Variants in TMEM45A observed in about 807,000 individuals in gnomAD.
TMEM45A encodes DNA polymerase-transactivated protein 4.
In TMEM45A, 25 loss-of-function variants were observed where a neutral mutation model predicts 32.0. That is an observed-to-expected ratio of 0.78 (90% CI 0.57 to 1.09). The LOEUF (loss-of-function observed/expected upper bound fraction) is 1.09. Ranked by LOEUF, TMEM45A falls within the 50% of genes least tolerant of loss-of-function variation. TMEM45A has a pLI of 0.00. For synonymous variants in TMEM45A, 122 were observed against 114.8 expected (o/e 1.06, Z -0.40); for missense variants, 302 against 325.0 (o/e 0.93, Z 0.54).
chr3:100,545,921 A>G (rs1335956379), intron 1 of TMEM45A, among the ~76,000 whole-genome samples: 2 of 152,218 alleles, frequency 1.3e-5, no homozygotes, highest in Admixed American at 6.5e-5. Flanking sequence ...GACTTTGCAT[A>G]TGTGATTAAA....
At chr3:100,558,153 T>A (rs1559650778) in intron 3 of TMEM45A, among the ~76,000 whole-genome samples, 1 of 152,200 alleles carries the variant, frequency 6.6e-6, no homozygotes. Flanking sequence ...AATCCATTCA[T>A]TGAAAATGTC....
At position 100,555,273 on chromosome 3, in the gene TMEM45A, G is replaced by C. The variant is rs773302571; in HGVS notation, c.62G>C (p.Trp21Ser). 2 of 1,613,178 alleles carry C rather than the reference G, an allele frequency of 1.2e-6. No homozygotes were observed. Among genetic ancestry groups the C allele is most frequent in the South Asian group, 2.2e-5 (2 of 90,930 alleles). Reference protein sequence around the residue: ...GTFFFIIGLWWCTKSILKYIC... With the variant: ...GTFFFIIGLWSCTKSILKYIC... ...TTCTTTTTTATTATTGGTCTTTGGT[G>C]GTGTACAAAGAGTATTCTGAAGTAT... is the stretch of plus-strand genomic sequence containing the variant. Residue 21 changes from tryptophan to serine, a missense_variant, in exon 2 of 6, where the codon TGG becomes TCG. Transcript: ENST00000323523.
intron 1 of TMEM45A, among the ~76,000 whole-genome samples, chr3:100,512,570 A>G (rs1282688352): frequency 1.3e-5 from 2 of 152,150 alleles, no homozygotes; most frequent in South Asian, 4.2e-4. Flanking sequence ...AGGAACTAGA[A>G]AAGCAAGAGC....
At position 100,543,136 on chromosome 3, in the gene TMEM45A, C is replaced by G. The variant is rs1209781021; in HGVS notation, c.-3-12073C>G. Among the ~76,000 whole-genome samples the G allele has an allele frequency of 3.3e-5, 5 of 152,156 alleles. 1 individual carries two copies. The highest frequency in any genetic ancestry group is 7.4e-5 in the Non-Finnish European group (5 of 68,004). ...CATTTCTCACTGAACCTAATGGTTT[C>G]AAAATTCATTCCTGTTTGTAAATAT... On this transcript the variant is annotated intron_variant, in intron 1 of 5. Transcript: ENST00000323523.
chr3:100,553,841 C>T (rs1457799352), intron 1 of TMEM45A, among the ~76,000 whole-genome samples: 1 of 152,142 alleles, frequency 6.6e-6, no homozygotes, highest in Non-Finnish European at 1.5e-5. Flanking sequence ...TCAATGGTGT[C>T]CTGAAATGAC....
rs1312893193 is a variant in TMEM45A, at chr3:100,555,196, C to T, written c.-3-13C>T. On this transcript the variant is annotated splice_polypyrimidine_tract_variant and intron_variant, in intron 1 of 5. Transcript: ENST00000323523. ...AAATGTCTTTTACTTTCTGTGTGTTCTTATATTTGTAGATCATGGGGAATT... is the reference window on the plus strand; with the variant it reads ...AAATGTCTTTTACTTTCTGTGTGTTTTTATATTTGTAGATCATGGGGAATT... 2 of 1,581,186 alleles carry T rather than the reference C, an allele frequency of 1.3e-6. No individual in the cohort carries two copies. Among genetic ancestry groups the T allele is most frequent in the Admixed American group, 3.7e-5 (2 of 53,632 alleles).
intron 4 of TMEM45A, among the ~76,000 whole-genome samples, chr3:100,561,267 A>G (rs1706324462): frequency 6.6e-6 from 1 of 152,184 alleles, no homozygotes; most frequent in Non-Finnish European, 1.5e-5. Context: ...TAAGCTAACA[A>G]TATTATGTCG....
intron 1 of TMEM45A, among the ~76,000 whole-genome samples, chr3:100,509,372 TG>T (rs1163614866): frequency 6.6e-6 from 1 of 152,114 alleles, no homozygotes; most frequent in Non-Finnish European, 1.5e-5. Flanking sequence ...GAAAACAATA[TG>T]GGGGTTTCTC....
rs1180542024 is a variant in TMEM45A, at chr3:100,556,692, G to A, written c.191-68G>A. 7 of 1,392,950 alleles carry A rather than the reference G, an allele frequency of 5.0e-6. No individual in the cohort carries two copies. In the African/African-American group the frequency reaches 1.0e-4, roughly 20 times the overall value. The allele number at this position is 1,392,950 out of a possible 1,614,324, so 86.3% of individuals were successfully genotyped here. ...TTAGATTGGAATAAGCAATGGACTAGTCCTCCTGCATCTTCTTGAATTCTA... is the reference window on the plus strand; with the variant it reads ...TTAGATTGGAATAAGCAATGGACTAATCCTCCTGCATCTTCTTGAATTCTA... On this transcript the variant is annotated intron_variant, in intron 2 of 5. Coordinates refer to ENST00000323523, the MANE Select transcript of TMEM45A (RefSeq NM_018004.3).
chr3:100,564,899 G>A (rs892679951), intron 4 of TMEM45A, among the ~76,000 whole-genome samples: 5 of 152,206 alleles, frequency 3.3e-5, no homozygotes, highest in South Asian at 2.1e-4. Context: ...CCATGTCCTC[G>A]TGGGACCACC....
intron 1 of TMEM45A, among the ~76,000 whole-genome samples, chr3:100,510,559 C>T (rs1432704396): frequency 2.1e-4 from 32 of 152,278 alleles, no homozygotes; most frequent in East Asian, 1.2e-3. Context: ...AAAATCAGAG[C>T]GCCTCTCCTC....
chr3:100,534,558 C>A (rs571866211), intron 1 of TMEM45A, among the ~76,000 whole-genome samples: 2 of 152,172 alleles, frequency 1.3e-5, no homozygotes, highest in Non-Finnish European at 2.9e-5. Flanking sequence ...AAGGGATTCT[C>A]CCCTGCAGCC....
At chr3:100,534,769 T>C (rs953257007) in intron 1 of TMEM45A, among the ~76,000 whole-genome samples, 2 of 152,212 alleles carry the variant, frequency 1.3e-5, no homozygotes, top group African/African-American at 4.8e-5. Flanking sequence ...AGAACTGGAT[T>C]CCATTTCTGC....
chr3:100,513,375 C>T (rs907754208), intron 1 of TMEM45A, among the ~76,000 whole-genome samples: 1 of 151,514 alleles, frequency 6.6e-6, no homozygotes, highest in African/African-American at 2.4e-5. Context: ...AGACAAAAAC[C>T]ACATGATTAT....
At chr3:100,565,947 C>A (rs1706426434) in intron 4 of TMEM45A, among the ~76,000 whole-genome samples, 1 of 152,174 alleles carries the variant, frequency 6.6e-6, no homozygotes, top group Non-Finnish European at 1.5e-5. Context: ...TCCTCCTAGC[C>A]CCCGGTACCA....
intron 1 of TMEM45A, among the ~76,000 whole-genome samples, chr3:100,512,801 T>C (rs879752245): frequency 0.13 from 19,714 of 148,504 alleles, 1,507 homozygotes; most frequent in Middle Eastern, 0.19. Flanking sequence ...ATATCACCAC[T>C]GATCCCACAG....
At chr3:100,514,837 A>C (rs1389213798) in intron 1 of TMEM45A, among the ~76,000 whole-genome samples, 1 of 149,932 alleles carries the variant, frequency 6.7e-6, no homozygotes, top group Non-Finnish European at 1.5e-5. Context: ...GACACTTCTC[A>C]AAAGAAGACA....
chr3:100,523,233 C>G (rs1006686501), intron 1 of TMEM45A, among the ~76,000 whole-genome samples: 1 of 152,168 alleles, frequency 6.6e-6, no homozygotes. Context: ...TTTGTGTTGC[C>G]GTGAACCACA....
chr3:100,539,510 TATAC>T (rs1172639299), intron 1 of TMEM45A, among the ~76,000 whole-genome samples: 1,238 of 121,190 alleles, frequency 0.01, 76 homozygotes, highest in African/African-American at 0.028. Flanking sequence ...TACGTATACG[TATAC>T]GTATATGTGG....
Sources: allele counts gnomAD v4.1 joint callset (sites outside exome capture counted in the v4.1 genomes callset), GRCh38; gene constraint gnomAD v4.1.1; transcripts MANE v1.5; gene names NCBI Gene and HGNC (gene_info 2026-07-23, HGNC 2026-07-21).